DCT: variants seen among roughly 807,000 people sequenced by gnomAD.
DCT encodes the protein dopachrome tautomerase, also known as L-dopachrome tautomerase.
In DCT, 47 loss-of-function variants were observed where a neutral mutation model predicts 53.0. The ratio of observed to expected loss-of-function variants is 0.89; its 90% confidence interval spans 0.70 to 1.13. The LOEUF is 1.13. Ranked by LOEUF, DCT falls within the 50% of genes most tolerant of loss-of-function variation. The pLI is 0.00. For missense variants in DCT, 669 were observed against 637.4 expected, an observed-to-expected ratio of 1.05 and a Z score of -0.53; for synonymous variants, 244 against 237.0, an observed-to-expected ratio of 1.03 and a Z score of -0.27.
In DCT at chr13:94,438,009, T is replaced by C. The variant is rs949944309; in HGVS notation, c.*1889A>G. 4.6e-5 allele frequency: 7 copies of C among 152,216 alleles called. No individual in the cohort carries two copies. Among genetic ancestry groups the C allele is most frequent in the African/African-American group, 1.7e-4 (7 of 41,442 alleles). 9.4% of individuals were successfully genotyped at this position (152,216 alleles called of 1,614,324 possible). ...CTGACAGATAAGCTAGAGGTGGTTATTTGCTTTATGAAATTATTCGTAATA... is the reference window on the plus strand; with the variant it reads ...CTGACAGATAAGCTAGAGGTGGTTACTTGCTTTATGAAATTATTCGTAATA... On this transcript the variant is annotated 3_prime_UTR_variant, in exon 8 of 8. Coordinates refer to ENST00000377028, the MANE Select transcript of DCT (RefSeq NM_001922.5).
At chr13:94,537,001 G>A in the DCT span, among the ~76,000 whole-genome samples, 1 of 152,166 alleles carries the variant, frequency 6.6e-6, no homozygotes, top group South Asian at 2.1e-4. Context: ...AGGTGTGGGT[G>A]CCATGTTTGC....
the DCT span, among the ~76,000 whole-genome samples, chr13:94,516,068 G>A: frequency 1.4e-5 from 1 of 69,102 alleles, no homozygotes; most frequent in African/African-American, 5.6e-5. Flanking sequence ...CTAACTTTAG[G>A]AGCTCCTCAC....
intron 1 of DCT, among the ~76,000 whole-genome samples, chr13:94,471,290 G>GT (rs1346243329): frequency 1.3e-5 from 2 of 152,136 alleles, no homozygotes; most frequent in South Asian, 2.1e-4. Context: ...AATCGGTTGA[G>GT]TTTTTTTGTT....
At chr13:94,486,516 A>G in the DCT span, among the ~76,000 whole-genome samples, 1 of 152,212 alleles carries the variant, frequency 6.6e-6, no homozygotes, top group Non-Finnish European at 1.5e-5. Flanking sequence ...ATCAGCCTGC[A>G]TTAGGGCATG....
chr13:94,515,923 A>C, the DCT span, among the ~76,000 whole-genome samples: 15 of 152,210 alleles, frequency 9.9e-5, no homozygotes, highest in African/African-American at 2.7e-4. Context: ...TTTGAAAGCC[A>C]TGGGGCTTAA....
At chr13:94,480,488 G>C (rs1396143408), upstream of DCT, among the ~76,000 whole-genome samples, 1 of 152,186 alleles carries the variant, frequency 6.6e-6, no homozygotes. Flanking sequence ...ACAAGGATGC[G>C]AAACGGCTTC....
chr13:94,489,315 G>T, the DCT span, among the ~76,000 whole-genome samples: 1 of 152,080 alleles, frequency 6.6e-6, no homozygotes, highest in Non-Finnish European at 1.5e-5. Context: ...CAAAATCCCA[G>T]CAAGTTACTT....
the DCT span, among the ~76,000 whole-genome samples, chr13:94,531,638 A>G: frequency 6.6e-6 from 1 of 152,208 alleles, no homozygotes; most frequent in African/African-American, 2.4e-5. Context: ...ACAAAAATCA[A>G]CTCAAGATGG....
At chr13:94,446,196 T>C (rs1055745735) in intron 6 of DCT, among the ~76,000 whole-genome samples, 9 of 152,160 alleles carry the variant, frequency 5.9e-5, no homozygotes, top group African/African-American at 2.2e-4. Flanking sequence ...ACCAATAACA[T>C]GGCACTGAGA....
At position 94,479,149 on chromosome 13, in the gene DCT, A is replaced by G. The variant is rs555977467; in HGVS notation, c.107T>C (p.Val36Ala). ...CAGGCGTGGGCAGCACTCCTTGTTCACTAGGCTGTCCACCGTCATGCAGAC... is the reference window on the plus strand; with the variant it reads ...CAGGCGTGGGCAGCACTCCTTGTTCGCTAGGCTGTCCACCGTCATGCAGAC... The part of the protein sequence containing the change: ...PRVCMTVDSL[V>A]NKECCPRLGA... The change falls in exon 1 of 8, where the codon GTG becomes GCG. Residue 36 changes from valine to alanine, a missense_variant. Transcript: ENST00000377028. 1.2e-6 allele frequency: 2 copies of G among 1,614,058 alleles called. No homozygotes were observed. The highest frequency in any genetic ancestry group is 1.6e-4 in the Middle Eastern group (1 of 6,062).
the DCT span, among the ~76,000 whole-genome samples, chr13:94,521,464 A>T: frequency 6.6e-6 from 1 of 152,250 alleles, no homozygotes; most frequent in African/African-American, 2.4e-5. Flanking sequence ...TGAGGTCAGG[A>T]GTTCGAGACC....
chr13:94,463,307 G>C (rs1467667648), intron 4 of DCT, among the ~76,000 whole-genome samples: 2 of 138,270 alleles, frequency 1.4e-5, no homozygotes, highest in African/African-American at 5.5e-5. Flanking sequence ...TTTTTTTTGA[G>C]ACAGAGTCTC....
intron 5 of DCT, among the ~76,000 whole-genome samples, chr13:94,461,737 A>G (rs1387912681): frequency 6.6e-6 from 1 of 152,234 alleles, no homozygotes; most frequent in African/African-American, 2.4e-5. Context: ...CCTGTTTCCA[A>G]AGACTGGACC....
chr13:94,548,608 C>G, the DCT span, among the ~76,000 whole-genome samples: 1 of 152,026 alleles, frequency 6.6e-6, no homozygotes, highest in Admixed American at 6.6e-5. Context: ...ACATCAGGTG[C>G]CTGGGCCTCC....
the DCT span, among the ~76,000 whole-genome samples, chr13:94,496,956 C>G: frequency 6.6e-6 from 1 of 152,160 alleles, no homozygotes; most frequent in South Asian, 2.1e-4. Flanking sequence ...ACAGGGAACA[C>G]GTTAAGAGTT....
intron 1 of DCT, among the ~76,000 whole-genome samples, chr13:94,474,881 G>A (rs1884974240): frequency 6.6e-6 from 1 of 152,168 alleles, no homozygotes; most frequent in African/African-American, 2.4e-5. Flanking sequence ...CATGATTATG[G>A]AAACTATGAG....
At chr13:94,445,697 A>G in intron 6 of DCT, 4 of 1,547,704 alleles carry the variant, frequency 2.6e-6, no homozygotes, top group East Asian at 2.3e-5. Flanking sequence ...ACCTGAGTAG[A>G]GCCTCCCAGG....
intron 4 of DCT, among the ~76,000 whole-genome samples, chr13:94,463,065 T>G (rs1883922323): frequency 6.6e-6 from 1 of 152,182 alleles, no homozygotes; most frequent in South Asian, 2.1e-4. Flanking sequence ...CCGTAAGACA[T>G]TATATCCTAC....
chr13:94,462,779 G>C lies in DCT; in HGVS notation c.864-590C>G, dbSNP rs192878929. On this transcript the variant is annotated intron_variant, in intron 4 of 7. Coordinates refer to ENST00000377028, the MANE Select transcript of DCT (RefSeq NM_001922.5). The stretch of plus-strand genomic sequence containing the variant: ...GAAAGACAGTGAGAGGGTTTACAAG[G>C]CAAGATGACTCCTATTGTGTGCATT... 1.4e-4 allele frequency among the ~76,000 whole-genome samples: 22 copies of C among 152,292 alleles called. No individual in the cohort carries two copies. In the East Asian group the frequency reaches 4.1e-3, roughly 28 times the overall value.
Sources: allele counts gnomAD v4.1 joint callset (sites outside exome capture counted in the v4.1 genomes callset), GRCh38; gene constraint gnomAD v4.1.1; transcripts MANE v1.5; gene names NCBI Gene and HGNC (gene_info 2026-07-23, HGNC 2026-07-21).